Variants in ARHGAP20 observed in about 807,000 individuals in gnomAD.
ARHGAP20 encodes Rho GTPase activating protein 20.
ARHGAP20 carries 34 observed loss-of-function variants against 73.7 expected under a neutral mutation model. That is an observed-to-expected ratio of 0.46 (90% CI 0.35 to 0.61). The LOEUF (loss-of-function observed/expected upper bound fraction) is 0.61, where lower values mean the gene tolerates loss of function less well. Ranked by LOEUF, ARHGAP20 falls within the 20% of genes least tolerant of loss-of-function variation. The pLI is 0.00. For missense variants in ARHGAP20, 1,314 were observed against 1,420.9 expected, an observed-to-expected ratio of 0.92 and a Z score of 1.21; for synonymous variants, 523 against 518.2, an observed-to-expected ratio of 1.01 and a Z score of -0.13.
At chr11:110,698,203 T>C (rs1591187734) in intron 1 of ARHGAP20, among the ~76,000 whole-genome samples, 1 of 151,890 alleles carries the variant, frequency 6.6e-6, no homozygotes, top group East Asian at 1.9e-4. Flanking sequence ...TTTAGTTCTG[T>C]GTATGTGGTA....
rs1318715258 is a variant in ARHGAP20, at chr11:110,630,711, G to T, written c.270C>A (p.Gly90=). The change falls in exon 3 of 15, where the codon GGC becomes GGA. Residue 90 remains glycine (G), a synonymous_variant. Transcript: ENST00000683387. ...VCSNRTLLID[G]RAELKRGLQR... is the part of the protein sequence containing the mutation. The stretch of plus-strand genomic sequence containing the variant: ...GGAGGCCTCTTTTGAGTTCTGCCCG[G>T]CCATCAATCAGCAGAGTCCTATTGG... 3.1e-6 allele frequency: 5 copies of T among 1,613,952 alleles called. No homozygotes were observed. Among genetic ancestry groups the T allele is most frequent in the Non-Finnish European group, 4.2e-6 (5 of 1,179,990 alleles).
chr11:110,589,714 T>C, intron 11 of ARHGAP20: 1 of 984,624 alleles, frequency 1.0e-6, no homozygotes, highest in Non-Finnish European at 1.2e-6. Flanking sequence ...TCTGTAACCA[T>C]GGATGTGACT....
chr11:110,648,192 A>AATATATATATGT lies in ARHGAP20; in HGVS notation c.189-17401_189-17400insACATATATATAT, dbSNP rs1949249291. Among the ~76,000 whole-genome samples, 5 of 120,270 alleles carry AATATATATATGT rather than the reference A, an allele frequency of 4.2e-5. No homozygotes were observed. The South Asian group carries it at 9.5e-4, about 23-fold the overall frequency. 78.9% of individuals were successfully genotyped at this position (120,270 alleles called of 152,430 possible). On this transcript the variant is annotated intron_variant, in intron 2 of 14. Coordinates refer to ENST00000683387, the MANE Select transcript of ARHGAP20 (RefSeq NM_001384657.1). ...ATGTAAATATATATATATATATGTA[A>AATATATATATGT]ATATATATATATATGTAAATATATA...
intron 1 of ARHGAP20, among the ~76,000 whole-genome samples, chr11:110,695,841 A>G (rs752970369): frequency 2.6e-4 from 39 of 151,588 alleles, no homozygotes; most frequent in Non-Finnish European, 3.0e-5. Context: ...AAATAAAAAC[A>G]TATGTCCTCA....
chr11:110,580,452 T>G lies in ARHGAP20; in HGVS notation c.2494A>C (p.Thr832Pro). 6.2e-7 allele frequency: 1 copy of G among 1,613,210 alleles called. No homozygotes were observed. The highest frequency in any genetic ancestry group is 8.5e-7 in the Non-Finnish European group (1 of 1,179,724). ...CTTGGACCCTTGAGGGCATCTGCTGTGTGTGGTGGGGAGTATCCAGATGTA... is the reference window on the plus strand; with the variant it reads ...CTTGGACCCTTGAGGGCATCTGCTGGGTGTGGTGGGGAGTATCCAGATGTA... ...VNTSGYSPPH[T>P]ADALKGPRTH... Residue 832 changes from threonine (T) to proline (P), a missense_variant, in exon 15 of 15, where the codon ACA becomes CCA. This residue lies in a region of ARHGAP20 where 641 missense variants were observed against 636.9 expected (regional missense o/e 1.01). Coordinates refer to ENST00000683387, the MANE Select transcript of ARHGAP20 (RefSeq NM_001384657.1).
chr11:110,664,746 G>GA (rs1213690568), intron 2 of ARHGAP20, among the ~76,000 whole-genome samples: 3 of 137,612 alleles, frequency 2.2e-5, no homozygotes, highest in Non-Finnish European at 3.2e-5. Flanking sequence ...AAAAAAAAAA[G>GA]AAAAAAGAAA....
intron 6 of ARHGAP20, 90 bp downstream of exon 6, chr11:110,614,471 G>C: frequency 1.7e-6 from 2 of 1,202,694 alleles, no homozygotes; most frequent in Non-Finnish European, 2.4e-6. Context: ...CAGTTAGCCT[G>C]CCTGCCTGCC....
chr11:110,671,026 C>G (rs1286935954), intron 2 of ARHGAP20, among the ~76,000 whole-genome samples: 1 of 152,002 alleles, frequency 6.6e-6, no homozygotes, highest in Non-Finnish European at 1.5e-5. Context: ...AGTATGACCT[C>G]TAGTCGATAA....
chr11:110,694,463 GA>G (rs750206475), intron 1 of ARHGAP20, among the ~76,000 whole-genome samples: 4 of 151,752 alleles, frequency 2.6e-5, no homozygotes, highest in Admixed American at 6.6e-5. Flanking sequence ...AACCATAAAT[GA>G]ATAAAGGTCA....
At chr11:110,670,207 A>G (rs1316748632) in intron 2 of ARHGAP20, among the ~76,000 whole-genome samples, 1 of 152,136 alleles carries the variant, frequency 6.6e-6, no homozygotes, top group Non-Finnish European at 1.5e-5. Context: ...GCTTTATTGT[A>G]CATAATTATA....
Position 110,593,720 on chromosome 11 carries a change from G to A in ARHGAP20, c.965-1565C>T, listed in dbSNP as rs567158775. On this transcript the variant is annotated intron_variant, in intron 9 of 14. Transcript: ENST00000683387. Reference sequence around the variant, plus strand: ...CAGAAAGAAGAAAGCCTGATAGTGGGAGCCCTAAATACTATGTATAAATTC... The same window carrying A: ...CAGAAAGAAGAAAGCCTGATAGTGGAAGCCCTAAATACTATGTATAAATTC... Among the ~76,000 whole-genome samples, 408 of 152,346 alleles carry A rather than the reference G, an allele frequency of 2.7e-3. 1 individual carries two copies. The highest frequency in any genetic ancestry group is 4.7e-3 in the Non-Finnish European group (317 of 68,032).
rs763986043 is a variant in ARHGAP20, at chr11:110,580,262, C to T, written c.2684G>A (p.Gly895Glu). 1 of 1,614,170 alleles carries T rather than the reference C, an allele frequency of 6.2e-7. No homozygotes were observed. The highest frequency in any genetic ancestry group is 1.1e-5 in the South Asian group (1 of 91,078). ...LKRHKSLQME[G>E]QKLINQSLVM... ...TAAACTCTGATTAATGAGCTTCTGC[C>T]CCTCCATTTGCAAAGACTTATGCCG... is the stretch of plus-strand genomic sequence containing the variant. The change falls in exon 15 of 15, where the codon GGG (glycine) becomes GAG (glutamate). Residue 895 changes from glycine (G) to glutamate (E), a missense_variant. Gly to Glu is a moderately conservative substitution (Grantham distance 98, BLOSUM62 -2). Around this residue, in one of 3 missense-constraint regions of ARHGAP20, gnomAD observed 641 missense variants for 636.9 expected, o/e 1.01. Transcript: ENST00000683387.
At chr11:110,581,313 A>T (rs2134779672) in intron 14 of ARHGAP20, 88 bp from the exon 15 acceptor site, 2 of 1,309,366 alleles carry the variant, frequency 1.5e-6, no homozygotes, top group African/African-American at 1.7e-5. Flanking sequence ...TTTTCATGTG[A>T]AGTGTTCAAA....
chr11:110,711,665 A>G lies in ARHGAP20; in HGVS notation c.105+462T>C, dbSNP rs944237914. On this transcript the variant is annotated intron_variant, in intron 1 of 14. Transcript: ENST00000683387. ...CGCAGCCCCGCTGCCTACCTTCTTC[A>G]GCGCCGGCTGCCGCTCCCGGGCAGA... 6.8e-6 allele frequency: 10 copies of G among 1,464,696 alleles called. No homozygotes were observed. The African/African-American group carries it at 1.0e-4, about 15-fold the overall frequency. 90.7% of individuals were successfully genotyped at this position (1,464,696 alleles called of 1,614,324 possible).
chr11:110,614,461 C>T (rs1407670492), intron 6 of ARHGAP20, 100 bp downstream of exon 6: 1 of 1,072,558 alleles, frequency 9.3e-7, no homozygotes, highest in African/African-American at 1.6e-5. Context: ...AGCACATACA[C>T]AGTTAGCCTG....
At chr11:110,680,264 C>T (rs1451021596) in intron 2 of ARHGAP20, among the ~76,000 whole-genome samples, 2 of 152,020 alleles carry the variant, frequency 1.3e-5, no homozygotes, top group Admixed American at 6.6e-5. Flanking sequence ...AGAAGAAGGG[C>T]CAGGGTTCAA....
At chr11:110,648,220 TG>T (rs1949257398) in intron 2 of ARHGAP20, among the ~76,000 whole-genome samples, 7 of 49,642 alleles carry the variant, frequency 1.4e-4, no homozygotes, top group South Asian at 6.7e-4. Context: ...AATATATATA[TG>T]TATATATATA....
chr11:110,603,314 C>A (rs1948150833), intron 9 of ARHGAP20, among the ~76,000 whole-genome samples: 1 of 152,160 alleles, frequency 6.6e-6, no homozygotes, highest in South Asian at 2.1e-4. Flanking sequence ...ATGAAAAGAA[C>A]AGCCTTTAAC....
intron 3 of ARHGAP20, among the ~76,000 whole-genome samples, chr11:110,625,304 T>C (rs1948721050): frequency 6.6e-6 from 1 of 151,990 alleles, no homozygotes; most frequent in South Asian, 2.1e-4. Flanking sequence ...CCCAAAGTGC[T>C]GGGATTACAG....
Sources: gnomAD v4.1 joint callset for allele counts (sites outside exome capture counted in the v4.1 genomes callset) on GRCh38, gnomAD v4.1.1 for gene constraint, gnomAD v4.1.1 regional missense constraint, MANE v1.5 for transcripts, NCBI Gene and HGNC (gene_info 2026-07-23, HGNC 2026-07-21) for gene names.